The following SFMBT2 variants were observed in gnomAD, a reference collection of about 807,000 sequenced individuals.
SFMBT2 encodes Scm like with four mbt domains 2.
A neutral mutation model predicts 110.1 loss-of-function variants in SFMBT2; 38 were observed. The ratio of observed to expected loss-of-function variants is 0.35; its 90% CI spans 0.27 to 0.45. SFMBT2 has a LOEUF of 0.45. Ranked by LOEUF, SFMBT2 falls within the 20% of genes least tolerant of loss-of-function variation. The pLI, the probability that SFMBT2 is intolerant of heterozygous loss-of-function variation, is 1.00. For synonymous variants in SFMBT2, 425 were observed against 425.4 expected (o/e 1.00, Z 0.01); for missense variants, 1,011 against 1,094.9 (o/e 0.92, Z 1.08).
At chr10:7,312,016 G>A (rs1258165621) in intron 4 of SFMBT2, among the ~76,000 whole-genome samples, 1 of 152,028 alleles carries the variant, frequency 6.6e-6, no homozygotes, top group Non-Finnish European at 1.5e-5. Context: ...TCATAGGTGG[G>A]AATTGAACAA....
In SFMBT2 at chr10:7,162,257, C is replaced by T. The variant is rs974312061; in HGVS notation, c.*1513G>A. The T allele has an allele frequency of 6.6e-6, 1 of 151,116 alleles. No homozygotes were observed. The allele number at this position is 151,116 out of a possible 1,614,324, so 9.4% of individuals were successfully genotyped here. ...TGGCCGAGTCAGAACTGGGACCAGA[C>T]CCTTCTTATTCTTTCTTTTTCTAAT... On this transcript the variant is annotated 3_prime_UTR_variant, in exon 21 of 21. Transcript: ENST00000397167.
chr10:7,259,168 GCGCAAAA>G (rs2131767537), intron 7 of SFMBT2, among the ~76,000 whole-genome samples: 1 of 152,228 alleles, frequency 6.6e-6, no homozygotes, highest in Non-Finnish European at 1.5e-5. Flanking sequence ...AGCTGGGAAG[GCGCAAAA>G]CTTCTCCACC....
At chr10:7,311,045 C>CAAAAAAAAAAAAAAAAACAA (rs1842840844) in intron 4 of SFMBT2, among the ~76,000 whole-genome samples, 1 of 96,942 alleles carries the variant, frequency 1.0e-5, no homozygotes, top group Non-Finnish European at 2.0e-5. Flanking sequence ...AACTCCATCT[C>CAAAAAAAAAAAAAAAAACAA]AAAAAAAAAA....
intron 1 of SFMBT2, among the ~76,000 whole-genome samples, chr10:7,400,744 G>T (rs1331446638): frequency 6.6e-6 from 1 of 152,192 alleles, no homozygotes; most frequent in African/African-American, 2.4e-5. Flanking sequence ...TGCCTGGCTT[G>T]GGGCCTCCTC....
intron 11 of SFMBT2, among the ~76,000 whole-genome samples, chr10:7,210,662 T>A (rs2762594): frequency 6.6e-6 from 1 of 152,058 alleles, no homozygotes; most frequent in Non-Finnish European, 1.5e-5. Flanking sequence ...ACCAGCAGAA[T>A]GCAAAGCCGG....
At chr10:7,298,216 C>G (rs1842459643) in intron 4 of SFMBT2, among the ~76,000 whole-genome samples, 1 of 152,192 alleles carries the variant, frequency 6.6e-6, no homozygotes, top group African/African-American at 2.4e-5. Context: ...GTCCAGGGAG[C>G]AGAAGAATGG....
rs397949347 is a variant in SFMBT2 at position 7,246,718 on chromosome 10, CAAAAAAAAA to C, written c.972+1821_972+1829del. Among the ~76,000 whole-genome samples, 7 of 72,152 alleles carry C rather than the reference CAAAAAAAAA, an allele frequency of 9.7e-5. No homozygotes were observed. In the South Asian group the frequency reaches 2.1e-3, roughly 22 times the overall value. 47.3% of individuals were successfully genotyped at this position (72,152 alleles called of 152,430 possible). ...TGGGTGACGGAGCAAGACTCCATCT[CAAAAAAAAA>C]AAAAAAAAAAAAAGAATGGTGAGAG... On this transcript the variant is annotated intron_variant, in intron 8 of 20. Transcript: ENST00000397167.
chr10:7,265,629 A>G (rs1295681027), intron 7 of SFMBT2, among the ~76,000 whole-genome samples: 2 of 152,220 alleles, frequency 1.3e-5, no homozygotes, highest in Admixed American at 6.5e-5. Flanking sequence ...GTTGATTACA[A>G]AAGTGCCATC....
At chr10:7,355,552 T>C (rs1207204544) in intron 4 of SFMBT2, among the ~76,000 whole-genome samples, 57 of 152,170 alleles carry the variant, frequency 3.7e-4, no homozygotes, top group Admixed American at 3.7e-3. Flanking sequence ...TTTGTTCATG[T>C]CTGTAACCCC....
At position 7,172,063 on chromosome 10, in the gene SFMBT2, C is replaced by T. The variant is rs768769212; in HGVS notation, c.2247G>A (p.Ser749=). The change falls in exon 19 of 21, where the codon TCG becomes TCA. Residue 749 remains serine, a synonymous_variant. Transcript: ENST00000397167. This position sits in a 1 kb window ranked among gnomAD's most constrained non-coding sequence, Gnocchi z 4.6. ...ELRDDQTDTS[S]AEVPSARPRR... ...GGGGCCGGGCCGAGGGCACCTCCGC[C>T]GACGAGGTGTCCGTCTGGTCATCCC... The T allele has an allele frequency of 2.2e-5, 36 of 1,602,424 alleles. No homozygotes were observed. In the Admixed American group the frequency reaches 2.4e-4, roughly 11 times the overall value.
intron 4 of SFMBT2, among the ~76,000 whole-genome samples, chr10:7,297,777 C>T (rs554467829): frequency 6.6e-6 from 1 of 152,332 alleles, no homozygotes; most frequent in African/African-American, 2.4e-5. Flanking sequence ...TATAAATTCG[C>T]TATAAATTTT....
chr10:7,338,675 G>A (rs1394245326), intron 4 of SFMBT2, among the ~76,000 whole-genome samples: 1 of 152,148 alleles, frequency 6.6e-6, no homozygotes, highest in East Asian at 1.9e-4. Flanking sequence ...GAAAACCCAT[G>A]TATAAATGAC....
chr10:7,396,356 T>G (rs1845926654), intron 1 of SFMBT2, among the ~76,000 whole-genome samples: 1 of 152,218 alleles, frequency 6.6e-6, no homozygotes, highest in South Asian at 2.1e-4. Context: ...TTAGTGAATT[T>G]AAGACTTTTC....
At chr10:7,314,990 GAAAGAAAGA>G (rs1354113154) in intron 4 of SFMBT2, among the ~76,000 whole-genome samples, 2 of 142,128 alleles carry the variant, frequency 1.4e-5, no homozygotes, top group East Asian at 2.1e-4. Context: ...GAAAGAGAAA[GAAAGAAAGA>G]AAAGAAAGAA....
chr10:7,368,457 G>T, intron 3 of SFMBT2: 1 of 606,342 alleles, frequency 1.6e-6, no homozygotes, highest in Non-Finnish European at 2.1e-6. Context: ...TCCGCTGTCC[G>T]CAAGTGGCCA....
intron 4 of SFMBT2, among the ~76,000 whole-genome samples, chr10:7,358,481 C>A (rs1241274724): frequency 2.0e-5 from 3 of 151,358 alleles, no homozygotes; most frequent in Non-Finnish European, 4.4e-5. Context: ...TGCCCTAGAA[C>A]ACCGGCATGG....
intron 9 of SFMBT2, among the ~76,000 whole-genome samples, chr10:7,238,887 T>C (rs534353462): frequency 6.6e-6 from 1 of 152,360 alleles, no homozygotes; most frequent in East Asian, 1.9e-4. Flanking sequence ...GATCTACTTA[T>C]TTGTTGATCA....
intron 1 of SFMBT2, among the ~76,000 whole-genome samples, chr10:7,400,327 C>A (rs1846039655): frequency 6.6e-6 from 1 of 152,196 alleles, no homozygotes; most frequent in Admixed American, 6.5e-5. Context: ...TGACAAGGAC[C>A]AAATCCCAAG....
At chr10:7,269,994 A>G (rs1841530150) in intron 7 of SFMBT2, among the ~76,000 whole-genome samples, 1 of 151,980 alleles carries the variant, frequency 6.6e-6, no homozygotes, top group South Asian at 2.1e-4. Context: ...ATGCGATCAG[A>G]TTGGGTTGAA....
Sources: gnomAD v4.1 joint callset for allele counts (sites outside exome capture counted in the v4.1 genomes callset) on GRCh38, gnomAD v4.1.1 for gene constraint, Gnocchi (gnomAD v3.1) non-coding constraint, MANE v1.5 for transcripts, NCBI Gene and HGNC (gene_info 2026-07-23, HGNC 2026-07-21) for gene names.